The following C15orf40 variants were observed in gnomAD, a reference collection of about 807,000 sequenced individuals.
The protein encoded by C15orf40 is UPF0235 protein C15orf40.
A neutral mutation model predicts 13.9 loss-of-function variants in C15orf40; 9 were observed. The ratio of observed to expected loss-of-function variants is 0.65; its 90% CI spans 0.39 to 1.13. The LOEUF is 1.13. C15orf40 is among the 50% of genes most tolerant of loss of function. C15orf40 has a pLI of 0.01. For missense variants in C15orf40, 225 were observed against 188.5 expected (o/e 1.19, Z -1.13); for synonymous variants, 95 against 69.2 (o/e 1.37, Z -1.85).
chr15:82,998,275 C>G lies in C15orf40; in HGVS notation c.*7322G>C, dbSNP rs1426237454. 1 of 151,006 alleles carries G rather than the reference C, an allele frequency of 6.6e-6. No individual in the cohort carries two copies. Among genetic ancestry groups the G allele is most frequent in the African/African-American group, 2.8e-5 (1 of 36,226 alleles). 9.4% of individuals were successfully genotyped at this position (151,006 alleles called of 1,614,324 possible). On this transcript the variant is annotated 3_prime_UTR_variant, in exon 4 of 4. Transcript: ENST00000304177. ...GCTGGCCGGGCGGGGGACTGACCCC[C>G]CCCCACCTCCCTCCCGGACGGGGTG...
chr15:82,991,320 G>A (rs1239611436), downstream of C15orf40, among the ~76,000 whole-genome samples: 3 of 152,266 alleles, frequency 2.0e-5, no homozygotes, highest in Admixed American at 2.0e-4. Flanking sequence ...GGCTGTGGGC[G>A]GATCACTTGG....
rs1366283457 is a variant in C15orf40, at chr15:83,000,551, C to G, written c.*5046G>C. The G allele has an allele frequency of 6.6e-6, 1 of 152,194 alleles. No individual in the cohort carries two copies. The highest frequency in any genetic ancestry group is 6.5e-5 in the Admixed American group (1 of 15,284). 9.4% of individuals were successfully genotyped at this position (152,194 alleles called of 1,614,324 possible). On this transcript the variant is annotated 3_prime_UTR_variant, in exon 4 of 4. Coordinates refer to ENST00000304177, the MANE Select transcript of C15orf40 (RefSeq NM_144597.3). ...CTGCAGACTACCTAATAGTGCTGTT[C>G]ACTACAAAAGGAAACGAGTTTCAGT... is the stretch of plus-strand genomic sequence containing the variant.
chr15:83,004,776 T>C lies in C15orf40; in HGVS notation c.*821A>G. On this transcript the variant is annotated 3_prime_UTR_variant, in exon 4 of 4. Transcript: ENST00000304177. ...TAAATAAGCATTTAAAAATCTAAGG[T>C]AAGACTACAAAGCAGCATAACAGGT... The C allele has an allele frequency of 1.9e-6, 2 of 1,051,132 alleles. No individual in the cohort carries two copies. Among genetic ancestry groups the C allele is most frequent in the Non-Finnish European group, 2.3e-6 (2 of 855,826 alleles). 65.1% of individuals were successfully genotyped at this position (1,051,132 alleles called of 1,614,324 possible).
At chr15:83,008,283 AG>A (rs112682570) in intron 3 of C15orf40, 8,152 of 382,414 alleles carry the variant, frequency 0.021, 499 homozygotes, top group African/African-American at 0.14. Flanking sequence ...CTTCGGGAGG[AG>A]AAGGCAGGTG....
Position 83,005,489 on chromosome 15 carries a change from G to A in C15orf40, c.*108C>T. 1 of 972,406 alleles carries A rather than the reference G, an allele frequency of 1.0e-6. No individual in the cohort carries two copies. Among genetic ancestry groups the A allele is most frequent in the Non-Finnish European group, 1.4e-6 (1 of 695,606 alleles). 60.2% of individuals were successfully genotyped at this position (972,406 alleles called of 1,614,324 possible). On this transcript the variant is annotated 3_prime_UTR_variant, in exon 4 of 4. Coordinates refer to ENST00000304177, the MANE Select transcript of C15orf40 (RefSeq NM_144597.3). ...CGTAGAGATGGGGTTTCACCATGTT[G>A]GTCAGGCTGGTCTCGAACTCCTGAC... is the stretch of plus-strand genomic sequence containing the variant.
In C15orf40 at chr15:83,004,859, G is replaced by A. The variant is rs1567092216; in HGVS notation, c.*738C>T. 6 of 1,302,678 alleles carry A rather than the reference G, an allele frequency of 4.6e-6. No individual in the cohort carries two copies. Among genetic ancestry groups the A allele is most frequent in the Non-Finnish European group, 5.1e-6 (5 of 987,450 alleles). 80.7% of individuals were successfully genotyped at this position (1,302,678 alleles called of 1,614,324 possible). ...ATCCCCAGAATTCCAGAACCGTTGT[G>A]GAGATATGATTTTTAATTTACAATC... On this transcript the variant is annotated 3_prime_UTR_variant, in exon 4 of 4. Transcript: ENST00000304177.
downstream of C15orf40, chr15:82,991,992 G>T: frequency 9.0e-7 from 1 of 1,109,046 alleles, no homozygotes; most frequent in South Asian, 1.3e-5. Context: ...GAGGCGGGAA[G>T]ATCACTTGAA....
At chr15:83,006,549 C>T in intron 3 of C15orf40, 1 of 834,984 alleles carries the variant, frequency 1.2e-6, no homozygotes, top group Non-Finnish European at 1.4e-6. Context: ...CACCTGAGGT[C>T]AGGAGTTCGA....
rs2031541717 is a variant in C15orf40, at chr15:83,003,982, A to C, written c.*1615T>G. The C allele has an allele frequency of 6.6e-6, 1 of 152,144 alleles. No homozygotes were observed. Among genetic ancestry groups the C allele is most frequent in the African/African-American group, 2.4e-5 (1 of 41,440 alleles). The allele number at this position is 152,144 out of a possible 1,614,324, so 9.4% of individuals were successfully genotyped here. ...GGGCTGGTCTCAAACTCCTAACCTC[A>C]GGTGATCCACCCGCCTCGACCTCCC... On this transcript the variant is annotated 3_prime_UTR_variant, in exon 4 of 4. Transcript: ENST00000304177.
chr15:82,994,839 A>C lies in C15orf40; in HGVS notation c.*10758T>G, dbSNP rs2030987731. The C allele has an allele frequency of 1.3e-5, 2 of 152,148 alleles. No homozygotes were observed. Among genetic ancestry groups the C allele is most frequent in the African/African-American group, 4.8e-5 (2 of 41,452 alleles). The allele number at this position is 152,148 out of a possible 1,614,324, so 9.4% of individuals were successfully genotyped here. Reference sequence around the variant, plus strand: ...TACTCAAAGAATCTTCGTTCTGTTTATTTATGAACACAGAAAGATATGCTT... The same window carrying C: ...TACTCAAAGAATCTTCGTTCTGTTTCTTTATGAACACAGAAAGATATGCTT... On this transcript the variant is annotated 3_prime_UTR_variant, in exon 4 of 4. Coordinates refer to ENST00000304177, the MANE Select transcript of C15orf40 (RefSeq NM_144597.3).
In C15orf40 at chr15:83,001,346, T is replaced by C. The variant is rs1567090268; in HGVS notation, c.*4251A>G. 1.0e-6 allele frequency: 1 copy of C among 955,596 alleles called. No individual in the cohort carries two copies. Among genetic ancestry groups the C allele is most frequent in the African/African-American group, 1.8e-5 (1 of 56,644 alleles). 59.2% of individuals were successfully genotyped at this position (955,596 alleles called of 1,614,324 possible). Reference sequence around the variant, plus strand: ...ACCAAGTTAATAAGTGATTAATACATCATGTTTGCACAAGTAATTATCATT... The same window carrying C: ...ACCAAGTTAATAAGTGATTAATACACCATGTTTGCACAAGTAATTATCATT... On this transcript the variant is annotated 3_prime_UTR_variant, in exon 4 of 4. Coordinates refer to ENST00000304177, the MANE Select transcript of C15orf40 (RefSeq NM_144597.3).
chr15:82,996,652 T>A lies in C15orf40; in HGVS notation c.*8945A>T, dbSNP rs1021929993. 1 of 145,510 alleles carries A rather than the reference T, an allele frequency of 6.9e-6. No individual in the cohort carries two copies. The highest frequency in any genetic ancestry group is 1.5e-5 in the Non-Finnish European group (1 of 65,884). The allele number at this position is 145,510 out of a possible 1,614,324, so 9.0% of individuals were successfully genotyped here. A position where few individuals can be genotyped will look rare whatever the true frequency, so the allele number is the denominator to read the frequency against. The stretch of plus-strand genomic sequence containing the variant: ...AGTGAGACTCCGTCTCAAAATAAAA[T>A]TAAAATAAAATAAAATAATAAAATA... On this transcript the variant is annotated 3_prime_UTR_variant, in exon 4 of 4. Transcript: ENST00000304177.
In C15orf40 at chr15:83,011,601, G is replaced by C. The variant is rs759158442; in HGVS notation, c.7C>G (p.Arg3Gly). 35 of 1,582,410 alleles carry C rather than the reference G, an allele frequency of 2.2e-5. No individual in the cohort carries two copies. Among genetic ancestry groups the C allele is most frequent in the Non-Finnish European group, 2.6e-5 (30 of 1,168,250 alleles). ...AGGTGCCTCAGCCCGCTGCGGAGCC[G>C]CAGCATCCCCGCCTGGGAAGGCGCC... ML[R>G]LRSGLRHLRA... The change falls in exon 1 of 4, where the codon CGG becomes GGG. Residue 3 changes from arginine to glycine, a missense_variant. Arg to Gly is a moderately radical substitution (Grantham distance 125). Transcript: ENST00000304177.
At position 82,996,547 on chromosome 15, in the gene C15orf40, G is replaced by T. The variant is rs966542959; in HGVS notation, c.*9050C>A. On this transcript the variant is annotated 3_prime_UTR_variant, in exon 4 of 4. Transcript: ENST00000304177. ...AGTCCCAGCTACTCAGGAGGCTGAG[G>T]CAGGAGAATGGCGTGAACCCAGGAC... The T allele has an allele frequency of 6.6e-6, 1 of 152,158 alleles. No individual in the cohort carries two copies. 9.4% of individuals were successfully genotyped at this position (152,158 alleles called of 1,614,324 possible). A position where few individuals can be genotyped will look rare whatever the true frequency, so the allele number is the denominator to read the frequency against.
Position 83,005,464 on chromosome 15 carries a change from C to T in C15orf40, c.*133G>A, listed in dbSNP as rs184052105. 10 of 820,476 alleles carry T rather than the reference C, an allele frequency of 1.2e-5. No homozygotes were observed. Among genetic ancestry groups the T allele is most frequent in the African/African-American group, 3.6e-5 (2 of 55,172 alleles). The allele number at this position is 820,476 out of a possible 1,614,324, so 50.8% of individuals were successfully genotyped here. A position where few individuals can be genotyped will look rare whatever the true frequency, so the allele number is the denominator to read the frequency against. ...CACATCTGGCTAATTTTGTATTTTT[C>T]GTAGAGATGGGGTTTCACCATGTTG... On this transcript the variant is annotated 3_prime_UTR_variant, in exon 4 of 4. Transcript: ENST00000304177.
chr15:82,989,026 A>T (rs2030744346), downstream of C15orf40: 1 of 1,607,724 alleles, frequency 6.2e-7, no homozygotes, highest in Non-Finnish European at 8.5e-7. Context: ...AGAATGACTG[A>T]CACTGCCGAA....
At chr15:82,989,035 A>C (rs747821997), downstream of C15orf40, 4 of 1,612,288 alleles carry the variant, frequency 2.5e-6, no homozygotes, top group African/African-American at 5.3e-5. Context: ...GACACTGCCG[A>C]AGCTGTTCCA....
At chr15:83,008,518 C>CA (rs373204607) in intron 3 of C15orf40, 30 bp downstream of exon 3, 230,776 of 1,314,956 alleles carry the variant, frequency 0.18, 696 homozygotes, top group Non-Finnish European at 0.19. Context: ...GATTTTGTCT[C>CA]AAAAAAAAAA....
At position 83,002,806 on chromosome 15, in the gene C15orf40, T is replaced by C. The variant is rs952322737; in HGVS notation, c.*2791A>G. ...GGGGAAGGAAAGAAAGCTGATTTTTTTTTTTCTTGAGACGGAGTCTGCCTC... is the reference window on the plus strand; with the variant it reads ...GGGGAAGGAAAGAAAGCTGATTTTTCTTTTTCTTGAGACGGAGTCTGCCTC... On this transcript the variant is annotated 3_prime_UTR_variant, in exon 4 of 4. Transcript: ENST00000304177. 3 of 152,264 alleles carry C rather than the reference T, an allele frequency of 2.0e-5. No homozygotes were observed. The highest frequency in any genetic ancestry group is 6.5e-5 in the Admixed American group (1 of 15,288). The allele number at this position is 152,264 out of a possible 1,614,324, so 9.4% of individuals were successfully genotyped here. A position where few individuals can be genotyped will look rare whatever the true frequency, so the allele number is the denominator to read the frequency against.
Sources: allele counts gnomAD v4.1 joint callset (sites outside exome capture counted in the v4.1 genomes callset), GRCh38; gene constraint gnomAD v4.1.1; transcripts MANE v1.5; gene names NCBI Gene and HGNC (gene_info 2026-07-23, HGNC 2026-07-21).